The following ZNF48 variants were observed in gnomAD, a reference collection of about 807,000 sequenced individuals.
The protein encoded by ZNF48 is zinc finger protein 553.
A neutral mutation model predicts 40.0 loss-of-function variants in ZNF48; 20 were observed. The observed-to-expected ratio is 0.50, with a 90% confidence interval of 0.35 to 0.73. The LOEUF (loss-of-function observed/expected upper bound fraction) is 0.73, where lower values mean the gene tolerates loss of function less well. Among genes scored for constraint, ZNF48 ranks in the 30% least tolerant of loss-of-function variants. The pLI, the probability that ZNF48 is intolerant of heterozygous loss-of-function variation, is 0.01. For synonymous variants in ZNF48, 298 were observed against 329.7 expected, an observed-to-expected ratio of 0.90 and a Z score of 1.04; for missense variants, 726 against 851.9, an observed-to-expected ratio of 0.85 and a Z score of 1.84.
intron 1 of ZNF48, chr16:30,379,640 CTTT>C (rs71149011): frequency 0.01 from 2,391 of 238,274 alleles, 1 homozygote; most frequent in Middle Eastern, 0.012. Context: ...GCCCCTTCCT[CTTT>C]TTTTTTTTTT....
chr16:30,391,395 G>C (rs1199160617), upstream of ZNF48, among the ~76,000 whole-genome samples: 1 of 149,912 alleles, frequency 6.7e-6, no homozygotes, highest in African/African-American at 2.5e-5. Flanking sequence ...TCACCATGTT[G>C]GTCAGGCTGG....
rs746237388 is a variant in ZNF48 at position 30,382,200 on chromosome 16, A to C, written c.-16+3790A>C. 2 of 1,612,850 alleles carry C rather than the reference A, an allele frequency of 1.2e-6. No individual in the cohort carries two copies. The highest frequency in any genetic ancestry group is 1.1e-5 in the South Asian group (1 of 90,956). On this transcript the variant is annotated intron_variant, in intron 1 of 2. Transcript: ENST00000528032. The surrounding 1 kb of genome is among the most constrained non-coding windows in gnomAD (Gnocchi z 4.8). Reference sequence around the variant, plus strand: ...CTCCCCTGTGGACAGAACAGGCCCAACTGGTCAGGGGAGGGGACAGCCAGG... The same window carrying C: ...CTCCCCTGTGGACAGAACAGGCCCACCTGGTCAGGGGAGGGGACAGCCAGG...
chr16:30,390,621 TTTTTTTTTTTTTTTTTTTG>T (rs2049935391), upstream of ZNF48, among the ~76,000 whole-genome samples: 1 of 110,396 alleles, frequency 9.1e-6, no homozygotes. Flanking sequence ...TTTTTTTTTT[TTTTTTTTTTTTTTTTTTTG>T]AGATGGAGTT....
chr16:30,378,612 C>G (rs772853052), intron 1 of ZNF48: 3 of 1,611,538 alleles, frequency 1.9e-6, no homozygotes, highest in Non-Finnish European at 2.5e-6. Context: ...GTGCTCACCT[C>G]TTCGTCTTTC....
rs1264515182 is a variant in ZNF48, at chr16:30,397,654, CAG to C, written c.405_406del (p.Lys138ThrfsTer14). 1.9e-6 allele frequency: 3 copies of C among 1,613,426 alleles called. No homozygotes were observed. Among genetic ancestry groups the C allele is most frequent in the Non-Finnish European group, 2.5e-6 (3 of 1,179,748 alleles). ...CTGGTGAAACACCAGCGGACCCACA[CAG>C]GGGAGAAACCCTACAAGTGTGGGGT... is the stretch of plus-strand genomic sequence containing the variant. On this transcript the variant is annotated frameshift_variant, in exon 3 of 3. Coordinates refer to ENST00000613509, the MANE Select transcript of ZNF48 (RefSeq NM_001214909.2). LOFTEE classifies it high-confidence loss of function. This position sits in a 1 kb window ranked among gnomAD's most constrained non-coding sequence, Gnocchi z 4.1.
At chr16:30,392,170 C>T (rs1290625533), upstream of ZNF48, among the ~76,000 whole-genome samples, 1 of 152,194 alleles carries the variant, frequency 6.6e-6, no homozygotes, top group Non-Finnish European at 1.5e-5. Flanking sequence ...CTACAGGCGC[C>T]TGCCACCACG....
Position 30,381,297 on chromosome 16 carries a change from C to G in ZNF48, c.-16+2887C>G. Reference sequence around the variant, plus strand: ...GCCTCAGGGGGCAGAGACCCCCCAGCCCTCCCTAAATGCGCCAGCCCCCAG... The same window carrying G: ...GCCTCAGGGGGCAGAGACCCCCCAGGCCTCCCTAAATGCGCCAGCCCCCAG... On this transcript the variant is annotated intron_variant, in intron 1 of 2. Coordinates refer to the ZNF48 transcript ENST00000528032. The surrounding 1 kb of genome is among the most constrained non-coding windows in gnomAD (Gnocchi z 4.3). 1.9e-6 allele frequency: 3 copies of G among 1,609,074 alleles called. No individual in the cohort carries two copies. Among genetic ancestry groups the G allele is most frequent in the Non-Finnish European group, 2.6e-6 (3 of 1,176,012 alleles).
At chr16:30,378,708 A>C in intron 1 of ZNF48, 1 of 1,604,732 alleles carries the variant, frequency 6.2e-7, no homozygotes, top group Non-Finnish European at 8.5e-7. Flanking sequence ...TTACTGCGGG[A>C]CAGTGGGAAG....
chr16:30,380,070 G>A, intron 1 of ZNF48: 1 of 1,554,220 alleles, frequency 6.4e-7, no homozygotes, highest in Non-Finnish European at 8.7e-7. Flanking sequence ...TGTGAAACGG[G>A]CCACAATGAC....
At position 30,397,246 on chromosome 16, in the gene ZNF48, A is replaced by G; in HGVS notation, c.80-84A>G. 1 of 1,266,314 alleles carries G rather than the reference A, an allele frequency of 7.9e-7. No individual in the cohort carries two copies. Among genetic ancestry groups the G allele is most frequent in the South Asian group, 1.5e-5 (1 of 68,904 alleles). The allele number at this position is 1,266,314 out of a possible 1,614,324, so 78.4% of individuals were successfully genotyped here. A position where few individuals can be genotyped will look rare whatever the true frequency, so the allele number is the denominator to read the frequency against. Reference sequence around the variant, plus strand: ...GGGGTTCCTGTGACCACAGATTGTCAAGGGAGTCTTCCTGGAGAGGTTGCT... The same window carrying G: ...GGGGTTCCTGTGACCACAGATTGTCGAGGGAGTCTTCCTGGAGAGGTTGCT... On this transcript the variant is annotated intron_variant, in intron 2 of 2. Coordinates refer to ENST00000613509, the MANE Select transcript of ZNF48 (RefSeq NM_001214909.2). This position sits in a 1 kb window ranked among gnomAD's most constrained non-coding sequence, Gnocchi z 4.1.
At chr16:30,392,651 TAC>T (rs1442761050), upstream of ZNF48, among the ~76,000 whole-genome samples, 2 of 152,190 alleles carry the variant, frequency 1.3e-5, no homozygotes. Context: ...ATCCCTATTT[TAC>T]AGTTTGGGAA....
chr16:30,390,067 T>C (rs116367984), intron 1 of ZNF48, among the ~76,000 whole-genome samples: 4,857 of 151,946 alleles, frequency 0.032, 264 homozygotes, highest in African/African-American at 0.11. Flanking sequence ...ATGATTCTCC[T>C]GCCTTGGCCT....
At chr16:30,379,555 G>A in intron 1 of ZNF48, 1 of 1,584,514 alleles carries the variant, frequency 6.3e-7, no homozygotes, top group South Asian at 1.1e-5. Context: ...GGGGGCAGGG[G>A]TTCACCATTG....
At chr16:30,380,063 G>A in intron 1 of ZNF48, 2 of 1,574,702 alleles carry the variant, frequency 1.3e-6, no homozygotes, top group Non-Finnish European at 1.7e-6. Flanking sequence ...GAGACAGTGT[G>A]AAACGGGCCA....
At chr16:30,380,058 A>G (rs1264729629) in intron 1 of ZNF48, 2 of 1,582,834 alleles carry the variant, frequency 1.3e-6, no homozygotes, top group Non-Finnish European at 1.7e-6. Flanking sequence ...ATATAGAGAC[A>G]GTGTGAAACG....
intron 1 of ZNF48, among the ~76,000 whole-genome samples, chr16:30,388,272 C>T (rs1307479404): frequency 6.6e-6 from 1 of 152,016 alleles, no homozygotes; most frequent in East Asian, 1.9e-4. Context: ...CCACGCCAGG[C>T]CTGTTCTCTA....
At position 30,398,461 on chromosome 16, in the gene ZNF48, C is replaced by T. The variant is rs144019727; in HGVS notation, c.1211C>T (p.Pro404Leu). Residue 404 changes from proline to leucine, a missense_variant, in exon 3 of 3, where the codon CCT becomes CTT. By Grantham distance (98) the Pro-to-Leu change is moderately conservative. Coordinates refer to ENST00000613509, the MANE Select transcript of ZNF48 (RefSeq NM_001214909.2). The surrounding 1 kb of genome is among the most constrained non-coding windows in gnomAD (Gnocchi z 6.6). ...LPALIPSPPP[P>L]PLGTSPPLTP... ...GCTCTGATCCCCAGCCCACCCCCAC[C>T]TCCTCTGGGCACCAGCCCCCCGCTG... 36 of 1,588,014 alleles carry T rather than the reference C, an allele frequency of 2.3e-5. No individual in the cohort carries two copies. Among genetic ancestry groups the T allele is most frequent in the African/African-American group, 1.7e-4 (13 of 74,604 alleles).
At chr16:30,383,898 G>C (rs1228159807) in intron 1 of ZNF48, among the ~76,000 whole-genome samples, 5 of 152,156 alleles carry the variant, frequency 3.3e-5, no homozygotes, top group Non-Finnish European at 5.9e-5. Context: ...ACCTACCCTA[G>C]GCAGGGTCAT....
chr16:30,395,387 G>T, upstream of ZNF48: 1 of 408,486 alleles, frequency 2.4e-6, no homozygotes, highest in Non-Finnish European at 4.9e-6. The surrounding 1 kb of genome is among the most constrained non-coding windows in gnomAD (Gnocchi z 5.9). Context: ...GTCCTAGAGC[G>T]GCTCCGTGCG....
Sources: gnomAD v4.1 joint callset for allele counts (sites outside exome capture counted in the v4.1 genomes callset) on GRCh38, gnomAD v4.1.1 for gene constraint, Gnocchi (gnomAD v3.1) non-coding constraint, MANE v1.5 for transcripts, NCBI Gene and HGNC (gene_info 2026-07-23, HGNC 2026-07-21) for gene names.